Variants in FRMD4A observed in about 807,000 individuals in gnomAD.
FRMD4A encodes the protein FERM domain containing 4A.
Under a neutral mutation model 129.1 loss-of-function variants are expected in FRMD4A, and 29 were observed. The observed-to-expected ratio is 0.22, with a 90% CI of 0.17 to 0.31. The LOEUF (loss-of-function observed/expected upper bound fraction) is 0.31, where lower values mean the gene tolerates loss of function less well. Ranked by LOEUF, FRMD4A falls within the 10% of genes least tolerant of loss-of-function variation. The probability of loss-of-function intolerance (pLI) is 1.00; values close to 1 mark genes in which losing one functional copy is unlikely to be tolerated. For missense variants in FRMD4A, 1,272 were observed against 1,375.8 expected (o/e 0.92, Z 1.19); for synonymous variants, 634 against 571.6 (o/e 1.11, Z -1.56).
At chr10:14,082,216 C>T (rs2131734806) in intron 2 of FRMD4A, among the ~76,000 whole-genome samples, 1 of 152,258 alleles carries the variant, frequency 6.6e-6, no homozygotes, top group African/African-American at 2.4e-5. Context: ...CACTGCACTC[C>T]AGCCTGGGCA....
chr10:13,690,127 AAAT>A (rs2085543196), intron 15 of FRMD4A, among the ~76,000 whole-genome samples: 3 of 152,344 alleles, frequency 2.0e-5, no homozygotes, highest in African/African-American at 7.2e-5. Flanking sequence ...GAACATCAGA[AAAT>A]AAAATCCGGC....
intron 15 of FRMD4A, among the ~76,000 whole-genome samples, chr10:13,691,629 A>G (rs949173944): frequency 6.6e-6 from 1 of 152,198 alleles, no homozygotes; most frequent in African/African-American, 2.4e-5. Context: ...CTACAGAATC[A>G]GGAGCTCTGA....
intron 2 of FRMD4A, among the ~76,000 whole-genome samples, chr10:13,980,653 G>A (rs2095557330): frequency 6.6e-6 from 1 of 152,184 alleles, no homozygotes; most frequent in African/African-American, 2.4e-5. Flanking sequence ...CTGGGAGTGA[G>A]AGGCTACAGT....
intron 2 of FRMD4A, among the ~76,000 whole-genome samples, chr10:13,990,367 A>C (rs2095599066): frequency 6.6e-6 from 1 of 152,178 alleles, no homozygotes; most frequent in Non-Finnish European, 1.5e-5. Flanking sequence ...GGGAGGAGGA[A>C]GTAAGGACTG....
intron 15 of FRMD4A, chr10:13,685,438 A>C: frequency 1.0e-6 from 1 of 984,922 alleles, no homozygotes; most frequent in Non-Finnish European, 1.2e-6. Context: ...AGCTGAAACT[A>C]TGGTTTGTAA....
intron 2 of FRMD4A, among the ~76,000 whole-genome samples, chr10:14,096,535 A>C (rs1836971886): frequency 6.6e-6 from 1 of 152,216 alleles, no homozygotes; most frequent in African/African-American, 2.4e-5. Context: ...TGGGGCAAAT[A>C]ATTACTTCTT....
At position 13,773,915 on chromosome 10, in the gene FRMD4A, C is replaced by G. The variant is rs149133269; in HGVS notation, c.384+9007G>C. On this transcript the variant is annotated intron_variant, in intron 6 of 24. Transcript: ENST00000357447. ...GAGGGAGAGGAGCAGATGGAAAAGG[C>G]TTGGCGGGAAAGCTGTGCCGTCTTA... Among the ~76,000 whole-genome samples, 816 of 152,358 alleles carry G rather than the reference C, an allele frequency of 5.4e-3. 10 individuals carry two copies. Among genetic ancestry groups the G allele is most frequent in the African/African-American group, 0.014 (572 of 41,582 alleles).
chr10:13,971,201 C>T (rs1350320347), intron 2 of FRMD4A, among the ~76,000 whole-genome samples: 1 of 152,206 alleles, frequency 6.6e-6, no homozygotes, highest in African/African-American at 2.4e-5. Flanking sequence ...CACATGCACA[C>T]ACCGCATGCA....
At chr10:13,693,186 T>C (rs943633699) in intron 15 of FRMD4A, 3 of 162,072 alleles carry the variant, frequency 1.9e-5, no homozygotes, top group African/African-American at 7.2e-5. Context: ...AATGCCCTTT[T>C]CTAACATTTC....
intron 2 of FRMD4A, among the ~76,000 whole-genome samples, chr10:13,992,681 T>G (rs1164362087): frequency 6.6e-6 from 1 of 152,134 alleles, no homozygotes; most frequent in African/African-American, 2.4e-5. Context: ...AGGCCAGGCA[T>G]GGTGGCTCGC....
chr10:13,772,978 A>G (rs1389076908), intron 6 of FRMD4A, among the ~76,000 whole-genome samples: 5 of 152,254 alleles, frequency 3.3e-5, no homozygotes, highest in African/African-American at 1.2e-4. Context: ...AACACAAAGG[A>G]TAAATGCTTG....
At chr10:14,068,896 CTT>C (rs1296888135) in intron 2 of FRMD4A, among the ~76,000 whole-genome samples, 1 of 146,798 alleles carries the variant, frequency 6.8e-6, no homozygotes, top group Non-Finnish European at 1.5e-5. Flanking sequence ...CTCTCCCTCT[CTT>C]TCTCTCTCCC....
At chr10:14,296,437 C>A (rs1255801004) in intron 2 of FRMD4A, among the ~76,000 whole-genome samples, 1 of 152,170 alleles carries the variant, frequency 6.6e-6, no homozygotes, top group Non-Finnish European at 1.5e-5. Flanking sequence ...AGCCTCTGGG[C>A]CTGTCCTTCC....
chr10:13,796,337 C>T (rs976027948), intron 5 of FRMD4A, among the ~76,000 whole-genome samples, 159 bp downstream of exon 5: 2 of 152,190 alleles, frequency 1.3e-5, no homozygotes, highest in East Asian at 3.8e-4. Context: ...TCGCACCCCG[C>T]CTTTCCATCT....
At chr10:14,022,923 TC>T (rs1187367944) in intron 2 of FRMD4A, among the ~76,000 whole-genome samples, 2 of 152,014 alleles carry the variant, frequency 1.3e-5, no homozygotes, top group African/African-American at 4.8e-5. Flanking sequence ...ATAAAACAGT[TC>T]CCTGATTAAT....
intron 12 of FRMD4A, among the ~76,000 whole-genome samples, chr10:13,723,793 G>A (rs892667728): frequency 6.6e-6 from 1 of 152,190 alleles, no homozygotes; most frequent in Non-Finnish European, 1.5e-5. Context: ...CCTTCAACCT[G>A]GAAAGAGAGG....
chr10:13,737,663 GA>G (rs2090720839), intron 12 of FRMD4A, among the ~76,000 whole-genome samples, 180 bp downstream of exon 12: 1 of 151,904 alleles, frequency 6.6e-6, no homozygotes, highest in Non-Finnish European at 1.5e-5. Flanking sequence ...AGAAAAAAAA[GA>G]AAAAATATTT....
intron 2 of FRMD4A, among the ~76,000 whole-genome samples, chr10:14,042,532 A>G (rs964408048): frequency 6.6e-6 from 1 of 152,164 alleles, no homozygotes; most frequent in Non-Finnish European, 1.5e-5. Flanking sequence ...CTTGCTGAGG[A>G]AATTAAATTT....
At chr10:14,187,148 AAAG>A (rs927501502) in intron 2 of FRMD4A, among the ~76,000 whole-genome samples, 1 of 144,238 alleles carries the variant, frequency 6.9e-6, no homozygotes, top group Non-Finnish European at 1.5e-5. Flanking sequence ...GGAAGGAAGG[AAAG>A]AAGGAAGGGA....
Sources: gnomAD v4.1 joint callset for allele counts (sites outside exome capture counted in the v4.1 genomes callset) on GRCh38, gnomAD v4.1.1 for gene constraint, MANE v1.5 for transcripts, NCBI Gene and HGNC (gene_info 2026-07-23, HGNC 2026-07-21) for gene names.